ENO1: variants seen among roughly 807,000 people sequenced by gnomAD.
ENO1 encodes enolase 1, also known as alpha-enolase.
In ENO1, 33 loss-of-function variants were observed where a neutral mutation model predicts 46.3. The ratio of observed to expected loss-of-function variants is 0.71; its 90% confidence interval spans 0.54 to 0.95. ENO1 has a LOEUF of 0.95. ENO1 is among the 40% of genes least tolerant of loss of function. The pLI, the probability that ENO1 is intolerant of heterozygous loss-of-function variation, is 0.00. For missense variants in ENO1, 488 were observed against 553.3 expected, an observed-to-expected ratio of 0.88 and a Z score of 1.18; for synonymous variants, 220 against 216.0, an observed-to-expected ratio of 1.02 and a Z score of -0.16.
At chr1:8,864,281 A>T (rs1226594764) in intron 8 of ENO1, among the ~76,000 whole-genome samples, 189 bp from the exon 9 acceptor site, 1 of 152,122 alleles carries the variant, frequency 6.6e-6, no homozygotes, top group Non-Finnish European at 1.5e-5. Context: ...GCAGGGGACA[A>T]AAGTCACCCA....
chr1:8,869,473 G>A (rs1030615520), intron 4 of ENO1, among the ~76,000 whole-genome samples: 12 of 152,150 alleles, frequency 7.9e-5, no homozygotes, highest in Non-Finnish European at 1.3e-4. Context: ...CTTTTCCCTC[G>A]TGTACAGAAT....
At chr1:8,870,721 C>T in intron 3 of ENO1, 1 of 1,431,472 alleles carries the variant, frequency 7.0e-7, no homozygotes, top group Non-Finnish European at 9.1e-7. Context: ...GGGTTAGAGC[C>T]ACACAAAACA....
rs1322811579 is a variant in ENO1 at position 8,863,190 on chromosome 1, AG to A, written c.1176+44del. 4 of 1,605,086 alleles carry A rather than the reference AG, an allele frequency of 2.5e-6. No homozygotes were observed. In the Admixed American group the frequency reaches 5.1e-5, roughly 20 times the overall value. On this transcript the variant is annotated intron_variant, in intron 10 of 11. Transcript: ENST00000234590. The stretch of plus-strand genomic sequence containing the variant: ...AGCCTCACTGGTTTTGGGTCTTCCT[AG>A]GAAGTTGAGGTCAGAGAAGAAAGGA...
chr1:8,862,819 T>TGCCTACACTGAGTGCAG, intron 11 of ENO1, 68 bp downstream of exon 11: 3 of 1,542,642 alleles, frequency 1.9e-6, no homozygotes, highest in Non-Finnish European at 2.7e-6. Flanking sequence ...GGGAGGGCAG[T>TGCCTACACTGAGTGCAG]GCCTACACTG....
rs3207089 is a variant in ENO1, at chr1:8,861,305, G to A, written c.*55C>T. 10 of 1,587,472 alleles carry A rather than the reference G, an allele frequency of 6.3e-6. No individual in the cohort carries two copies. The highest frequency in any genetic ancestry group is 8.6e-6 in the Non-Finnish European group (10 of 1,157,882). ...GGCCTCGAGCTGCCTGAGCTGACAC[G>A]AGGGGAGGGGTCTGTGTAGCCAACA... is the stretch of plus-strand genomic sequence containing the variant. On this transcript the variant is annotated 3_prime_UTR_variant, in exon 12 of 12. Transcript: ENST00000234590.
At chr1:8,865,226 C>T in intron 8 of ENO1, 59 bp downstream of exon 8, 1 of 1,593,040 alleles carries the variant, frequency 6.3e-7, no homozygotes, top group Non-Finnish European at 8.6e-7. Context: ...CCAGATGCTC[C>T]AGCTGCCCTG....
chr1:8,868,322 T>C (rs180982294), intron 4 of ENO1, among the ~76,000 whole-genome samples: 10 of 152,230 alleles, frequency 6.6e-5, no homozygotes, highest in Admixed American at 5.2e-4. Context: ...AAAAGGTTAA[T>C]AGTCTACCCA....
intron 3 of ENO1, chr1:8,871,529 G>T: frequency 9.6e-7 from 1 of 1,046,692 alleles, no homozygotes; most frequent in Non-Finnish European, 1.2e-6. Context: ...ATGATCTCTG[G>T]AGGGCCCACA....
At chr1:8,876,950 C>G (rs949452701) in intron 1 of ENO1, among the ~76,000 whole-genome samples, 1 of 151,276 alleles carries the variant, frequency 6.6e-6, no homozygotes, top group African/African-American at 2.4e-5. Flanking sequence ...CTCAGCCTCC[C>G]GAGTAGGTGG....
chr1:8,870,513 G>A lies in ENO1; in HGVS notation c.182-3C>T, dbSNP rs762099234. ...GTGCTCAACAGCCTTTGAGACACCTGGAAGGAACAATCAAATCAAATTACT... is the reference window on the plus strand; with the variant it reads ...GTGCTCAACAGCCTTTGAGACACCTAGAAGGAACAATCAAATCAAATTACT... On this transcript the variant is annotated splice_polypyrimidine_tract_variant and splice_region_variant and intron_variant, in intron 3 of 11. Coordinates refer to ENST00000234590, the MANE Select transcript of ENO1 (RefSeq NM_001428.5). The A allele has an allele frequency of 6.2e-7, 1 of 1,614,128 alleles. No individual in the cohort carries two copies. The highest frequency in any genetic ancestry group is 2.2e-5 in the East Asian group (1 of 44,886).
At chr1:8,871,842 A>G (rs777739455) in intron 3 of ENO1, 49 bp downstream of exon 3, 1 of 1,591,440 alleles carries the variant, frequency 6.3e-7, no homozygotes, top group Non-Finnish European at 8.6e-7. Context: ...CAAGGCCAGG[A>G]ATGGGGCTGG....
intron 1 of ENO1, chr1:8,877,610 C>G (rs887032994): frequency 1.3e-5 from 2 of 151,670 alleles, no homozygotes; most frequent in Non-Finnish European, 2.9e-5. Flanking sequence ...AATCCCAGCA[C>G]TTTGGGAGGC....
At chr1:8,871,460 T>C in intron 3 of ENO1, 2 of 1,004,376 alleles carry the variant, frequency 2.0e-6, no homozygotes, top group Non-Finnish European at 2.4e-6. Flanking sequence ...CAGCTCACCA[T>C]TCAGGGCAGG....
intron 9 of ENO1, among the ~76,000 whole-genome samples, 187 bp from the exon 10 acceptor site, chr1:8,863,530 C>A (rs1182888764): frequency 6.6e-6 from 1 of 152,206 alleles, no homozygotes; most frequent in Non-Finnish European, 1.5e-5. Context: ...CTTCCACCCC[C>A]AGGACCTTCT....
chr1:8,872,933 C>T (rs964665790), intron 2 of ENO1, among the ~76,000 whole-genome samples: 1 of 152,192 alleles, frequency 6.6e-6, no homozygotes, highest in Non-Finnish European at 1.5e-5. Context: ...GAAACCTATA[C>T]CTGTAACAAG....
chr1:8,861,880 T>TAAG (rs1553155546), intron 11 of ENO1, among the ~76,000 whole-genome samples: 1 of 112,588 alleles, frequency 8.9e-6, no homozygotes, highest in Non-Finnish European at 1.7e-5. Flanking sequence ...ATCTTGATGT[T>TAAG]AAAAAAAAAA....
At chr1:8,869,914 G>A (rs936452048) in intron 4 of ENO1, among the ~76,000 whole-genome samples, 8 of 152,164 alleles carry the variant, frequency 5.3e-5, no homozygotes, top group Admixed American at 2.0e-4. Context: ...GAGCGCCACA[G>A]GAATTACGGA....
At chr1:8,875,030 TA>T (rs29000597) in intron 1 of ENO1, 113 bp from the exon 2 acceptor site, 107 of 790,924 alleles carry the variant, frequency 1.4e-4, no homozygotes, top group Non-Finnish European at 2.0e-4. Flanking sequence ...AGCACTGGAC[TA>T]AATACTGGAT....
At position 8,861,031 on chromosome 1, in the gene ENO1, T is replaced by G; in HGVS notation, c.*329A>C. 1 of 267,360 alleles carries G rather than the reference T, an allele frequency of 3.7e-6. No individual in the cohort carries two copies. Among genetic ancestry groups the G allele is most frequent in the Non-Finnish European group, 7.1e-6 (1 of 140,132 alleles). The allele number at this position is 267,360 out of a possible 1,614,324, so 16.6% of individuals were successfully genotyped here. ...CATGGGTCACTGAGGCTTTTTATTT[T>G]GAGCACAAAACCACCGGGGATCTAG... On this transcript the variant is annotated 3_prime_UTR_variant, in exon 12 of 12. Coordinates refer to ENST00000234590, the MANE Select transcript of ENO1 (RefSeq NM_001428.5).
Sources: gnomAD v4.1 joint callset for allele counts (sites outside exome capture counted in the v4.1 genomes callset) on GRCh38, gnomAD v4.1.1 for gene constraint, MANE v1.5 for transcripts, NCBI Gene and HGNC (gene_info 2026-07-23, HGNC 2026-07-21) for gene names.